Variants in NUMB observed in about 807,000 individuals in gnomAD.
The protein encoded by NUMB is NUMB endocytic adaptor protein, also known as protein numb homolog.
A neutral mutation model predicts 59.7 loss-of-function variants in NUMB; 29 were observed. That is an observed-to-expected ratio of 0.49 (90% CI 0.36 to 0.66). NUMB has a LOEUF of 0.66. Ranked by LOEUF, NUMB falls within the 30% of genes least tolerant of loss-of-function variation. The pLI, the probability that NUMB is intolerant of heterozygous loss-of-function variation, is 0.00. For missense variants in NUMB, 723 were observed against 822.0 expected, an observed-to-expected ratio of 0.88 and a Z score of 1.47; for synonymous variants, 288 against 288.2, an observed-to-expected ratio of 1.00 and a Z score of 0.01.
intron 1 of NUMB, among the ~76,000 whole-genome samples, chr14:73,423,699 A>G (rs1472748531): frequency 1.3e-5 from 2 of 151,786 alleles, no homozygotes; most frequent in Non-Finnish European, 2.9e-5. Context: ...AATCCAAGCT[A>G]CTTGGGAGGC....
intron 2 of NUMB, among the ~76,000 whole-genome samples, chr14:73,387,302 G>A (rs1404072957): frequency 6.6e-6 from 1 of 152,096 alleles, no homozygotes; most frequent in African/African-American, 2.4e-5. Context: ...TTACCCCCAT[G>A]CTGCTGTTCT....
intron 2 of NUMB, among the ~76,000 whole-genome samples, chr14:73,391,240 G>A (rs1439298535): frequency 6.7e-6 from 1 of 149,496 alleles, no homozygotes; most frequent in East Asian, 2.0e-4. Flanking sequence ...TCTCACTGGT[G>A]TATAAATGGC....
At chr14:73,291,692 CTTTTTTT>C (rs920721235) in intron 8 of NUMB, among the ~76,000 whole-genome samples, 5 of 133,914 alleles carry the variant, frequency 3.7e-5, no homozygotes, top group East Asian at 2.2e-4. Flanking sequence ...TTTCTTTTTT[CTTTTTTT>C]TTTGGCCAGA....
Position 73,456,244 on chromosome 14 carries a change from G to A in NUMB, c.-233+2249C>T, listed in dbSNP as rs563231260. 4.5e-4 allele frequency among the ~76,000 whole-genome samples: 68 copies of A among 152,168 alleles called. 1 individual carries two copies. Among genetic ancestry groups the A allele is most frequent in the Admixed American group, 1.6e-3 (24 of 15,284 alleles). On this transcript the variant is annotated intron_variant, in intron 1 of 12. Transcript: ENST00000555238. ...CCAGCCTCAGCCTTCCAAGTAGCTG[G>A]GATTACAGGCACGCGCCACCACGCC...
chr14:73,393,834 T>C (rs1895979105), intron 2 of NUMB, among the ~76,000 whole-genome samples: 1 of 152,262 alleles, frequency 6.6e-6, no homozygotes, highest in Non-Finnish European at 1.5e-5. Context: ...TCCCCTCTTC[T>C]AATAGCTTTG....
chr14:73,451,856 TA>T (rs1447759839), intron 1 of NUMB, among the ~76,000 whole-genome samples: 4 of 152,196 alleles, frequency 2.6e-5, no homozygotes, highest in African/African-American at 7.2e-5. Context: ...CTAATTAAAC[TA>T]GAAATGTTCC....
At chr14:73,279,502 A>G (rs1010610448) in intron 11 of NUMB, 78 bp from the exon 12 acceptor site, 2 of 1,382,168 alleles carry the variant, frequency 1.4e-6, no homozygotes, top group African/African-American at 1.5e-5. Flanking sequence ...TGTGTCAGTC[A>G]GGTGAATGTA....
At chr14:73,446,428 A>G (rs1200574435) in intron 1 of NUMB, among the ~76,000 whole-genome samples, 2 of 152,052 alleles carry the variant, frequency 1.3e-5, no homozygotes, top group African/African-American at 4.8e-5. Context: ...CAATATGGTG[A>G]AACCCCGTCT....
rs200838442 is a variant in NUMB at position 73,320,136 on chromosome 14, G to GA, written c.201+2993_201+2994insT. 2.0e-5 allele frequency among the ~76,000 whole-genome samples: 3 copies of GA among 151,752 alleles called. No homozygotes were observed. The East Asian group carries it at 5.8e-4, about 29-fold the overall frequency. On this transcript the variant is annotated intron_variant, in intron 5 of 12. Transcript: ENST00000555238. ...GACAGAGCAAGACTCCGACTCGGCG[G>GA]GGGGGCAAAAAAAGAATGGGGATGT...
At chr14:73,332,766 C>T (rs1197924445) in intron 4 of NUMB, among the ~76,000 whole-genome samples, 2 of 32,930 alleles carry the variant, frequency 6.1e-5, no homozygotes. Flanking sequence ...GTCTCCACTG[C>T]CCCTCCCCAC....
intron 1 of NUMB, among the ~76,000 whole-genome samples, chr14:73,421,781 T>G (rs1897355807): frequency 6.6e-6 from 1 of 152,128 alleles, no homozygotes; most frequent in Non-Finnish European, 1.5e-5. Context: ...AAATTCGGTG[T>G]CTATTAAAAC....
intron 2 of NUMB, among the ~76,000 whole-genome samples, chr14:73,382,972 C>G (rs1275304815): frequency 6.6e-6 from 1 of 152,116 alleles, no homozygotes; most frequent in Non-Finnish European, 1.5e-5. Context: ...ATGGCAAAAC[C>G]CTGTCTCTAC....
chr14:73,313,601 T>C (rs752204343), intron 6 of NUMB, among the ~76,000 whole-genome samples: 1 of 149,074 alleles, frequency 6.7e-6, no homozygotes, highest in Non-Finnish European at 1.5e-5. Flanking sequence ...ACAAATAACT[T>C]CTGCATTTAG....
At chr14:73,446,463 C>T (rs1245791053) in intron 1 of NUMB, among the ~76,000 whole-genome samples, 7 of 151,898 alleles carry the variant, frequency 4.6e-5, no homozygotes, top group Admixed American at 4.6e-4. Flanking sequence ...AAAAATTAGC[C>T]AGGCGTGGTG....
At chr14:73,365,332 T>G (rs1458017057) in intron 3 of NUMB, among the ~76,000 whole-genome samples, 3 of 152,328 alleles carry the variant, frequency 2.0e-5, no homozygotes, top group Admixed American at 2.0e-4. Context: ...TGAGCCATCA[T>G]GCCTGGCCAT....
chr14:73,441,702 C>T (rs146658597), intron 1 of NUMB, among the ~76,000 whole-genome samples: 1 of 151,630 alleles, frequency 6.6e-6, no homozygotes, highest in Non-Finnish European at 1.5e-5. Flanking sequence ...ATAGCAAGAC[C>T]CCATCTCTAC....
At position 73,277,129 on chromosome 14, in the gene NUMB, G is replaced by A. The variant is rs1888221777; in HGVS notation, c.1405C>T (p.Pro469Ser). The A allele has an allele frequency of 6.2e-7, 1 of 1,614,042 alleles. No homozygotes were observed. Among genetic ancestry groups the A allele is most frequent in the Non-Finnish European group, 8.5e-7 (1 of 1,180,016 alleles). The change falls in exon 13 of 13, where the codon CCT becomes TCT. Residue 469 changes from proline to serine, a missense_variant. Pro to Ser is a moderately conservative substitution (Grantham distance 74). Transcript: ENST00000555238. ...TGGGAGATGGCAGTGGGTGGAGGAG[G>A]CTGGAGAACTGGCTGCAGAGGAGCA... Reference protein sequence around the residue: ...SAAPLQPVLQPPPPTAISQPA... With the variant: ...SAAPLQPVLQSPPPTAISQPA...
chr14:73,443,026 C>T (rs1883181279), intron 1 of NUMB, among the ~76,000 whole-genome samples: 1 of 152,046 alleles, frequency 6.6e-6, no homozygotes, highest in African/African-American at 2.4e-5. Flanking sequence ...CCATGACTGG[C>T]TAATTTTTGC....
chr14:73,456,975 A>G (rs1196649588), intron 1 of NUMB, among the ~76,000 whole-genome samples: 1 of 152,132 alleles, frequency 6.6e-6, no homozygotes, highest in Non-Finnish European at 1.5e-5. Flanking sequence ...TTTATCGTCT[A>G]TTGAACAATC....
Sources: allele counts gnomAD v4.1 joint callset (sites outside exome capture counted in the v4.1 genomes callset), GRCh38; gene constraint gnomAD v4.1.1; transcripts MANE v1.5; gene names NCBI Gene and HGNC (gene_info 2026-07-23, HGNC 2026-07-21).